TAFA1: variants seen among roughly 807,000 people sequenced by gnomAD.
TAFA1 encodes chemokine-like protein TAFA-1.
TAFA1 carries 4 observed loss-of-function variants against 18.5 expected under a neutral mutation model. That is an observed-to-expected ratio of 0.22 (90% CI 0.11 to 0.49). The LOEUF (loss-of-function observed/expected upper bound fraction) is 0.49, where lower values mean the gene tolerates loss of function less well. Among genes scored for constraint, TAFA1 ranks in the 20% least tolerant of loss-of-function variants. The pLI is 0.98. For synonymous variants in TAFA1, 56 were observed against 55.2 expected (o/e 1.01, Z -0.06); for missense variants, 147 against 169.0 (o/e 0.87, Z 0.72).
At chr3:68,396,990 A>C (rs2070393868) in intron 2 of TAFA1, among the ~76,000 whole-genome samples, 1 of 152,066 alleles carries the variant, frequency 6.6e-6, no homozygotes, top group Non-Finnish European at 1.5e-5. Flanking sequence ...CAGCACTCCA[A>C]TCTCCAGCCA....
chr3:68,257,976 C>G (rs189785387), intron 2 of TAFA1, among the ~76,000 whole-genome samples: 1 of 152,070 alleles, frequency 6.6e-6, no homozygotes, highest in Non-Finnish European at 1.5e-5. Flanking sequence ...CATAAAATAT[C>G]TCTTCGAAAC....
At chr3:68,370,472 G>GTGTGTGTA (rs1248560447) in intron 2 of TAFA1, among the ~76,000 whole-genome samples, 1 of 33,032 alleles carries the variant, frequency 3.0e-5, no homozygotes, top group African/African-American at 1.3e-4. Context: ...GTGTGTGTGT[G>GTGTGTGTA]TATATATATA....
intron 2 of TAFA1, among the ~76,000 whole-genome samples, chr3:68,089,963 A>T (rs931435804): frequency 2.0e-5 from 3 of 152,196 alleles, no homozygotes; most frequent in African/African-American, 7.2e-5. Flanking sequence ...ACCTCCTAAG[A>T]TTCCCTCTTA....
At chr3:68,164,996 T>G (rs1456641468) in intron 2 of TAFA1, among the ~76,000 whole-genome samples, 1 of 152,200 alleles carries the variant, frequency 6.6e-6, no homozygotes, top group Non-Finnish European at 1.5e-5. Context: ...CCTTCTATGT[T>G]GTGAATGAAC....
intron 2 of TAFA1, among the ~76,000 whole-genome samples, chr3:68,063,945 CAA>C (rs1203901275): frequency 2.0e-5 from 3 of 152,086 alleles, no homozygotes; most frequent in African/African-American, 7.2e-5. Flanking sequence ...CTTTTCTTTC[CAA>C]AGATTTCCTA....
At chr3:68,098,931 G>A (rs145620163) in intron 2 of TAFA1, among the ~76,000 whole-genome samples, 3 of 152,210 alleles carry the variant, frequency 2.0e-5, no homozygotes, top group African/African-American at 7.2e-5. Flanking sequence ...AATAGATGGT[G>A]CTGGGGTAGC....
chr3:68,219,081 C>A (rs972822806), intron 2 of TAFA1, among the ~76,000 whole-genome samples: 2 of 151,554 alleles, frequency 1.3e-5, no homozygotes, highest in African/African-American at 4.9e-5. Flanking sequence ...AAATCCTCTT[C>A]ATTGCTTTTT....
chr3:68,389,093 T>C (rs181036635), intron 2 of TAFA1, among the ~76,000 whole-genome samples: 1 of 152,304 alleles, frequency 6.6e-6, no homozygotes, highest in East Asian at 1.9e-4. Context: ...TAAGGAGAGT[T>C]CTGTATTTTT....
At chr3:68,303,450 T>G (rs57564171) in intron 2 of TAFA1, among the ~76,000 whole-genome samples, 81,245 of 147,544 alleles carry the variant, frequency 0.55, 22,312 homozygotes, top group Non-Finnish European at 0.61. Flanking sequence ...ATTCTTTTTG[T>G]TTTTTTTTGA....
intron 2 of TAFA1, among the ~76,000 whole-genome samples, chr3:68,012,598 G>T (rs1342813007): frequency 6.6e-6 from 1 of 152,144 alleles, no homozygotes; most frequent in African/African-American, 2.4e-5. Context: ...GTTAAATCTG[G>T]TGAGAGGACT....
intron 3 of TAFA1, among the ~76,000 whole-genome samples, chr3:68,420,766 C>T (rs962785841): frequency 6.6e-6 from 1 of 152,072 alleles, no homozygotes; most frequent in African/African-American, 2.4e-5. Context: ...GAAGAATTCT[C>T]GAGCTCAAAA....
chr3:68,499,575 A>G (rs2106702377), intron 3 of TAFA1, among the ~76,000 whole-genome samples: 1 of 150,168 alleles, frequency 6.7e-6, no homozygotes, highest in East Asian at 2.0e-4. Context: ...TATTTTATGT[A>G]TTTATTTATC....
chr3:68,525,096 T>C (rs1363992730), intron 3 of TAFA1, among the ~76,000 whole-genome samples: 4 of 152,212 alleles, frequency 2.6e-5, no homozygotes, highest in South Asian at 2.1e-4. Context: ...AGAACTAAGA[T>C]GTTGAACTTT....
At chr3:68,034,875 C>T (rs1164997049) in intron 2 of TAFA1, among the ~76,000 whole-genome samples, 2 of 152,132 alleles carry the variant, frequency 1.3e-5, no homozygotes, top group Non-Finnish European at 2.9e-5. Flanking sequence ...CATTCCAAAC[C>T]AGATATATTA....
At chr3:68,033,848 C>A (rs372264221) in intron 2 of TAFA1, among the ~76,000 whole-genome samples, 1 of 152,206 alleles carries the variant, frequency 6.6e-6, no homozygotes, top group African/African-American at 2.4e-5. Flanking sequence ...ACATGATGAA[C>A]AAATAGACAC....
At chr3:68,180,038 T>TATTATTATC (rs2066177501) in intron 2 of TAFA1, among the ~76,000 whole-genome samples, 1 of 148,750 alleles carries the variant, frequency 6.7e-6, no homozygotes, top group Admixed American at 6.8e-5. Context: ...TTATTATTAT[T>TATTATTATC]ATTATTTGAG....
At chr3:68,401,591 C>A (rs903746483) in intron 2 of TAFA1, among the ~76,000 whole-genome samples, 1 of 152,204 alleles carries the variant, frequency 6.6e-6, no homozygotes, top group South Asian at 2.1e-4. Flanking sequence ...TAGTGGCAAT[C>A]TCCAGACTTG....
At chr3:68,273,260 T>C (rs1273831690) in intron 2 of TAFA1, among the ~76,000 whole-genome samples, 6 of 152,042 alleles carry the variant, frequency 3.9e-5, no homozygotes, top group African/African-American at 1.4e-4. Context: ...TGGGGTAAGA[T>C]GTATTTGAAG....
intron 3 of TAFA1, among the ~76,000 whole-genome samples, chr3:68,463,190 G>A (rs1252050764): frequency 6.6e-6 from 1 of 152,192 alleles, no homozygotes; most frequent in Non-Finnish European, 1.5e-5. Context: ...CACATTGATA[G>A]AGTCAGCCAG....
Sources: allele counts gnomAD v4.1 joint callset (sites outside exome capture counted in the v4.1 genomes callset), GRCh38; gene constraint gnomAD v4.1.1; transcripts MANE v1.5; gene names NCBI Gene and HGNC (gene_info 2026-07-23, HGNC 2026-07-21).